Variants in MRTFB observed in about 807,000 individuals in gnomAD.
The protein encoded by MRTFB is myocardin-related transcription factor B.
In MRTFB, 29 loss-of-function variants were observed where a neutral mutation model predicts 104.2. That is an observed-to-expected ratio of 0.28 (90% CI 0.21 to 0.38). The LOEUF (loss-of-function observed/expected upper bound fraction) is 0.38, where lower values mean the gene tolerates loss of function less well. MRTFB is among the 10% of genes least tolerant of loss of function. The probability of loss-of-function intolerance (pLI) is 1.00; values close to 1 mark genes in which losing one functional copy is unlikely to be tolerated. For synonymous variants in MRTFB, 535 were observed against 519.5 expected, an observed-to-expected ratio of 1.03 and a Z score of -0.41; for missense variants, 1,270 against 1,341.6, an observed-to-expected ratio of 0.95 and a Z score of 0.83.
At chr16:14,200,058 C>T in intron 3 of MRTFB, 1 of 504,536 alleles carries the variant, frequency 2.0e-6, no homozygotes. Flanking sequence ...GTAAGCTGGA[C>T]TACAGATTGG....
the MRTFB span, among the ~76,000 whole-genome samples, chr16:14,049,940 C>G: frequency 6.6e-6 from 1 of 152,152 alleles, no homozygotes; most frequent in Admixed American, 6.5e-5. Context: ...ACCATATTGG[C>G]CAGGCTGGTC....
chr16:14,136,438 C>G (rs920582262), intron 2 of MRTFB, among the ~76,000 whole-genome samples: 23 of 152,074 alleles, frequency 1.5e-4, no homozygotes, highest in African/African-American at 5.3e-4. Flanking sequence ...TCAGCTAGAC[C>G]ATTGATTCTC....
intron 2 of MRTFB, among the ~76,000 whole-genome samples, chr16:14,104,326 G>A (rs181412465): frequency 6.6e-5 from 10 of 152,308 alleles, no homozygotes; most frequent in African/African-American, 2.4e-4. Context: ...GTTTCTGATA[G>A]AGACATCAGG....
intron 2 of MRTFB, among the ~76,000 whole-genome samples, chr16:14,102,936 G>C (rs577848421): frequency 6.6e-6 from 1 of 152,198 alleles, no homozygotes; most frequent in East Asian, 1.9e-4. Flanking sequence ...AGCATGTTGA[G>C]TGATACAAAG....
chr16:14,095,902 C>T (rs557410216), intron 2 of MRTFB, among the ~76,000 whole-genome samples: 1 of 152,120 alleles, frequency 6.6e-6, no homozygotes, highest in South Asian at 2.1e-4. Context: ...ACAGTGCTTA[C>T]AAGTAGTGTC....
intron 8 of MRTFB, among the ~76,000 whole-genome samples, chr16:14,225,721 G>T (rs1567188486): frequency 1.3e-5 from 2 of 151,982 alleles, no homozygotes; most frequent in Admixed American, 6.6e-5. Context: ...TAGAGACAGG[G>T]TTTCGCCATA....
At chr16:14,140,890 G>A (rs1321164158) in intron 3 of MRTFB, 130 bp downstream of exon 3, 2 of 869,564 alleles carry the variant, frequency 2.3e-6, no homozygotes, top group Non-Finnish European at 3.4e-6. Context: ...CCCTGTAGAG[G>A]TACTGGATGG....
chr16:14,196,635 G>A (rs939633795), intron 3 of MRTFB, among the ~76,000 whole-genome samples: 1 of 152,188 alleles, frequency 6.6e-6, no homozygotes, highest in Admixed American at 6.5e-5. Flanking sequence ...TCAGAAAATA[G>A]TCTTAATATC....
intron 3 of MRTFB, among the ~76,000 whole-genome samples, chr16:14,183,112 A>G (rs1449278439): frequency 1.3e-5 from 2 of 152,196 alleles, no homozygotes; most frequent in Non-Finnish European, 2.9e-5. Flanking sequence ...GCCAGTACCA[A>G]GGTGTCAAAA....
intron 2 of MRTFB, among the ~76,000 whole-genome samples, chr16:14,080,245 A>G (rs2141856088): frequency 6.6e-6 from 1 of 152,330 alleles, no homozygotes; most frequent in Admixed American, 6.5e-5. Flanking sequence ...TAAAGAGACT[A>G]CCAGTTTATA....
intron 2 of MRTFB, among the ~76,000 whole-genome samples, chr16:14,133,932 A>G (rs2037572871): frequency 6.6e-6 from 1 of 152,222 alleles, no homozygotes; most frequent in Non-Finnish European, 1.5e-5. Flanking sequence ...TGGAGAACAA[A>G]TAACATTTTC....
At chr16:14,065,362 A>C in the MRTFB span, among the ~76,000 whole-genome samples, 1 of 152,186 alleles carries the variant, frequency 6.6e-6, no homozygotes, top group African/African-American at 2.4e-5. Flanking sequence ...TTTGGGGCTG[A>C]GACTAAGGTT....
intron 1 of MRTFB, among the ~76,000 whole-genome samples, chr16:14,073,513 G>T (rs909805197): frequency 6.6e-6 from 1 of 152,186 alleles, no homozygotes; most frequent in African/African-American, 2.4e-5. Context: ...AGTGTCTGAC[G>T]TACAAAAAGC....
chr16:14,265,314 C>T lies in MRTFB; in HGVS notation c.*3870C>T, dbSNP rs1184980720. On this transcript the variant is annotated 3_prime_UTR_variant, in exon 17 of 17. Transcript: ENST00000571589. ...ATATTGAATACTGACAAGAGAATAC[C>T]CATACAAATCGTCCCACCGCCCTAG... is the stretch of plus-strand genomic sequence containing the variant. 6.6e-6 allele frequency: 1 copy of T among 152,082 alleles called. No individual in the cohort carries two copies. The highest frequency in any genetic ancestry group is 1.5e-5 in the Non-Finnish European group (1 of 68,012). 9.4% of individuals were successfully genotyped at this position (152,082 alleles called of 1,614,324 possible).
At chr16:14,027,431 G>GA in the MRTFB span, among the ~76,000 whole-genome samples, 1 of 151,880 alleles carries the variant, frequency 6.6e-6, no homozygotes, top group African/African-American at 2.4e-5. Flanking sequence ...TGTGGTGATA[G>GA]AAAAAAAATC....
chr16:14,238,102 A>G (rs1301021245), intron 9 of MRTFB, among the ~76,000 whole-genome samples: 1 of 152,130 alleles, frequency 6.6e-6, no homozygotes, highest in Admixed American at 6.5e-5. Flanking sequence ...ACATTTGGCA[A>G]TGTCTGGAGA....
At chr16:14,158,618 G>A (rs942174981) in intron 3 of MRTFB, among the ~76,000 whole-genome samples, 4 of 152,114 alleles carry the variant, frequency 2.6e-5, no homozygotes, top group African/African-American at 4.8e-5. Flanking sequence ...AGATTATTAA[G>A]ATGCTTTTAT....
chr16:14,205,507 T>G (rs2040902262), intron 3 of MRTFB, among the ~76,000 whole-genome samples: 1 of 152,228 alleles, frequency 6.6e-6, no homozygotes, highest in African/African-American at 2.4e-5. Context: ...TCCCCCTTTT[T>G]TGATAAAATG....
the MRTFB span, among the ~76,000 whole-genome samples, chr16:13,999,693 G>A: frequency 5.9e-5 from 9 of 152,252 alleles, no homozygotes; most frequent in South Asian, 2.1e-4. Context: ...AAGGTAGAGC[G>A]AGAGATGGAG....
Sources: allele counts gnomAD v4.1 joint callset (sites outside exome capture counted in the v4.1 genomes callset), GRCh38; gene constraint gnomAD v4.1.1; transcripts MANE v1.5; gene names NCBI Gene and HGNC (gene_info 2026-07-23, HGNC 2026-07-21).